The following ADAMTS6 variants were observed in gnomAD, a reference collection of about 807,000 sequenced individuals.
ADAMTS6 encodes the protein A disintegrin and metalloproteinase with thrombospondin motifs 6.
Under a neutral mutation model 144.3 loss-of-function variants are expected in ADAMTS6, and 23 were observed. The observed-to-expected ratio is 0.16, with a 90% confidence interval of 0.11 to 0.23. The LOEUF (loss-of-function observed/expected upper bound fraction) is 0.23. Ranked by LOEUF, ADAMTS6 falls within the 10% of genes least tolerant of loss-of-function variation. The pLI is 1.00. For synonymous variants in ADAMTS6, 444 were observed against 457.5 expected, an observed-to-expected ratio of 0.97 and a Z score of 0.38; for missense variants, 999 against 1,379.6, an observed-to-expected ratio of 0.72 and a Z score of 4.37.
rs533744996 is a variant in ADAMTS6, at chr5:65,438,526, T to TATAC, written c.1073+12945_1073+12948dup. On this transcript the variant is annotated intron_variant, in intron 7 of 24. Transcript: ENST00000381055. ...TGGGTAACAGAGTGAGATTCCATCT[T>TATAC]ATACATACATACATACATAAAAAAA... Among the ~76,000 whole-genome samples, 129 of 152,098 alleles carry TATAC rather than the reference T, an allele frequency of 8.5e-4. 2 individuals carry two copies. Among genetic ancestry groups the TATAC allele is most frequent in the African/African-American group, 2.8e-3 (117 of 41,514 alleles).
At chr5:65,289,778 A>G (rs1015661241) in intron 11 of ADAMTS6, among the ~76,000 whole-genome samples, 2 of 152,172 alleles carry the variant, frequency 1.3e-5, no homozygotes, top group African/African-American at 4.8e-5. Flanking sequence ...CCAGTTTCCA[A>G]TAGAAAACAA....
intron 18 of ADAMTS6, 121 bp downstream of exon 18, chr5:65,224,199 A>G (rs1477095810): frequency 2.6e-6 from 2 of 772,972 alleles, no homozygotes; most frequent in Non-Finnish European, 4.4e-6. Flanking sequence ...CTTAGAGCTT[A>G]CTTCATTTTA....
intron 3 of ADAMTS6, among the ~76,000 whole-genome samples, chr5:65,461,965 C>T (rs185624314): frequency 3.3e-5 from 5 of 152,184 alleles, no homozygotes; most frequent in Admixed American, 2.6e-4. Flanking sequence ...ATCAGAGTTG[C>T]TCTAATTTAT....
chr5:65,373,143 C>T (rs1317219925), intron 7 of ADAMTS6, among the ~76,000 whole-genome samples: 1 of 149,436 alleles, frequency 6.7e-6, no homozygotes, highest in Admixed American at 6.7e-5. Context: ...TAAATGCCCA[C>T]AAGAGAAAGC....
rs1756761664 is a variant in ADAMTS6, at chr5:65,214,467, T to C, written c.2575+327A>G. ...TGATGTCTGATTCTTGCTCATTTTC[T>C]TTTTTAAAACTTTTGATGTTCTTTA... On this transcript the variant is annotated intron_variant, in intron 20 of 24. Transcript: ENST00000381055. The surrounding 1 kb of genome is among the most constrained non-coding windows in gnomAD (Gnocchi z 4.6). 1 of 384,336 alleles carries C rather than the reference T, an allele frequency of 2.6e-6. No homozygotes were observed. The highest frequency in any genetic ancestry group is 4.9e-6 in the Non-Finnish European group (1 of 202,434). 23.8% of individuals were successfully genotyped at this position (384,336 alleles called of 1,614,324 possible).
At chr5:65,455,061 T>G (rs1759073794) in intron 4 of ADAMTS6, among the ~76,000 whole-genome samples, 1 of 152,244 alleles carries the variant, frequency 6.6e-6, no homozygotes, top group Non-Finnish European at 1.5e-5. Flanking sequence ...ACCACTCATG[T>G]ATTCAAGTCA....
At position 65,372,094 on chromosome 5, in the gene ADAMTS6, G is replaced by A. The variant is rs1032124776; in HGVS notation, c.1074-38009C>T. On this transcript the variant is annotated intron_variant, in intron 7 of 24. Transcript: ENST00000381055. ...TGCTGAGAGATTTTGTCACCACCAC[G>A]CCTGCCCTAAAAGAGCTCCTGAAGG... 4.6e-5 allele frequency among the ~76,000 whole-genome samples: 7 copies of A among 151,052 alleles called. No individual in the cohort carries two copies. In the East Asian group the frequency reaches 7.7e-4, roughly 17 times the overall value.
chr5:65,447,140 T>A lies in ADAMTS6; in HGVS notation c.1073+4335A>T, dbSNP rs924268631. On this transcript the variant is annotated intron_variant, in intron 7 of 24. Transcript: ENST00000381055. The stretch of plus-strand genomic sequence containing the variant: ...GTTCGTGCTAATTGCTAAACATTGA[T>A]GCAAATATACTCCATGTCTTTGAAT... 2.6e-5 allele frequency among the ~76,000 whole-genome samples: 4 copies of A among 152,316 alleles called. No individual in the cohort carries two copies. In the East Asian group the frequency reaches 7.7e-4, roughly 29 times the overall value.
Position 65,207,383 on chromosome 5 carries a change from G to A in ADAMTS6, c.2575+7411C>T, listed in dbSNP as rs186033845. On this transcript the variant is annotated intron_variant, in intron 20 of 24. Coordinates refer to ENST00000381055, the MANE Select transcript of ADAMTS6 (RefSeq NM_197941.4). ...AAAATTATAATAAATATAAAATATC[G>A]TATGTATTTCTGACATTTCTTTGTA... is the stretch of plus-strand genomic sequence containing the variant. Among the ~76,000 whole-genome samples, 6 of 152,128 alleles carry A rather than the reference G, an allele frequency of 3.9e-5. No homozygotes were observed. The East Asian group carries it at 5.8e-4, about 15-fold the overall frequency.
At chr5:65,231,478 CAG>C (rs1272831291) in intron 15 of ADAMTS6, among the ~76,000 whole-genome samples, 1 of 152,098 alleles carries the variant, frequency 6.6e-6, no homozygotes, top group African/African-American at 2.4e-5. Context: ...ATCATCCAGA[CAG>C]GGTACCAATA....
At chr5:65,335,395 T>C (rs975675851) in intron 7 of ADAMTS6, among the ~76,000 whole-genome samples, 1 of 152,144 alleles carries the variant, frequency 6.6e-6, no homozygotes, top group South Asian at 2.1e-4. Context: ...AGTGTACTCA[T>C]CGAAGCACCA....
intron 9 of ADAMTS6, among the ~76,000 whole-genome samples, chr5:65,304,069 A>G (rs1176849971): frequency 2.0e-5 from 3 of 152,228 alleles, no homozygotes; most frequent in Non-Finnish European, 4.4e-5. Context: ...TATTTCAATT[A>G]ACAATCTTTA....
intron 7 of ADAMTS6, among the ~76,000 whole-genome samples, chr5:65,443,697 T>C (rs1326740294): frequency 5.4e-5 from 8 of 148,386 alleles, no homozygotes; most frequent in African/African-American, 2.0e-4. Flanking sequence ...TAATCCACTT[T>C]AAAAAAGATA....
chr5:65,427,899 G>T (rs1756680004), intron 7 of ADAMTS6, among the ~76,000 whole-genome samples: 1 of 151,786 alleles, frequency 6.6e-6, no homozygotes, highest in South Asian at 2.1e-4. Flanking sequence ...AGTTTGGAAA[G>T]TAAAAAAACA....
chr5:65,228,252 AG>A (rs1173568684), intron 15 of ADAMTS6, among the ~76,000 whole-genome samples: 7 of 152,314 alleles, frequency 4.6e-5, no homozygotes, highest in Non-Finnish European at 1.0e-4. Context: ...GGCTTTAAAA[AG>A]AGAAGCTGAG....
intron 11 of ADAMTS6, among the ~76,000 whole-genome samples, chr5:65,285,504 C>G (rs868857183): frequency 3.3e-5 from 5 of 152,238 alleles, no homozygotes; most frequent in Middle Eastern, 3.4e-3. Flanking sequence ...CAGTTACACT[C>G]CCATTATAAT....
intron 7 of ADAMTS6, among the ~76,000 whole-genome samples, chr5:65,405,097 C>T (rs1754326567): frequency 6.6e-6 from 1 of 152,068 alleles, no homozygotes; most frequent in Admixed American, 6.6e-5. Context: ...CTGTAGGCTG[C>T]CTGTTCACTC....
chr5:65,208,936 A>G (rs1460282792), intron 20 of ADAMTS6, among the ~76,000 whole-genome samples: 1 of 152,218 alleles, frequency 6.6e-6, no homozygotes, highest in Non-Finnish European at 1.5e-5. Context: ...AGAAATGTAA[A>G]TTCTTAAAGC....
intron 9 of ADAMTS6, among the ~76,000 whole-genome samples, chr5:65,303,328 C>G (rs972262501): frequency 6.6e-6 from 1 of 152,064 alleles, no homozygotes; most frequent in Non-Finnish European, 1.5e-5. Flanking sequence ...TCAGCATTCA[C>G]ATCTATAGAA....
Sources: allele counts gnomAD v4.1 joint callset (sites outside exome capture counted in the v4.1 genomes callset), GRCh38; gene constraint gnomAD v4.1.1; non-coding constraint Gnocchi (gnomAD v3.1); transcripts MANE v1.5; gene names NCBI Gene and HGNC (gene_info 2026-07-23, HGNC 2026-07-21).